Variants in KIF26B observed in about 807,000 individuals in gnomAD.
The protein encoded by KIF26B is kinesin-like protein KIF26B.
KIF26B carries 63 observed loss-of-function variants against 151.2 expected under a neutral mutation model. The observed-to-expected ratio is 0.42, with a 90% CI of 0.34 to 0.51. The LOEUF is 0.51. Among genes scored for constraint, KIF26B ranks in the 20% least tolerant of loss-of-function variants. The probability of loss-of-function intolerance (pLI) is 0.07; values close to 1 mark genes in which losing one functional copy is unlikely to be tolerated. For synonymous variants in KIF26B, 1,357 were observed against 1,262.1 expected (o/e 1.08, Z -1.59); for missense variants, 2,813 against 2,913.6 (o/e 0.97, Z 0.79).
At chr1:245,511,605 T>G (rs531652054) in intron 4 of KIF26B, among the ~76,000 whole-genome samples, 53 of 152,324 alleles carry the variant, frequency 3.5e-4, no homozygotes, top group East Asian at 1.2e-3. Flanking sequence ...TGTTTGTTTG[T>G]TTGGTTTTGT....
intron 5 of KIF26B, among the ~76,000 whole-genome samples, chr1:245,577,997 C>T (rs964889821): frequency 2.6e-5 from 4 of 151,456 alleles, no homozygotes; most frequent in African/African-American, 9.7e-5. Context: ...ATCCCCTACA[C>T]GGAAGAGCTT....
At chr1:245,662,370 A>G (rs1274315072) in intron 10 of KIF26B, among the ~76,000 whole-genome samples, 1 of 112,666 alleles carries the variant, frequency 8.9e-6, no homozygotes, top group Non-Finnish European at 1.9e-5. Context: ...ACCCAGTGAT[A>G]TATACACACA....
In KIF26B at chr1:245,636,788, A is replaced by G. The variant is rs374362966; in HGVS notation, c.2099-9333A>G. The stretch of plus-strand genomic sequence containing the variant: ...TACCTGACTTATTTCATTTAACATA[A>G]TGACTTCCAGCTTCATCCATGTTGC... On this transcript the variant is annotated intron_variant, in intron 9 of 14. Transcript: ENST00000407071. 3.6e-4 allele frequency among the ~76,000 whole-genome samples: 54 copies of G among 152,022 alleles called. No homozygotes were observed. In the South Asian group the frequency reaches 9.5e-3, roughly 27 times the overall value.
intron 2 of KIF26B, among the ~76,000 whole-genome samples, chr1:245,179,975 G>A (rs1035803903): frequency 2.0e-5 from 3 of 152,160 alleles, no homozygotes; most frequent in African/African-American, 7.2e-5. Context: ...AGCGCCTGGG[G>A]GGCCTGGCCA....
At chr1:245,273,025 T>C (rs1181890549) in intron 2 of KIF26B, among the ~76,000 whole-genome samples, 1 of 152,200 alleles carries the variant, frequency 6.6e-6, no homozygotes, top group Non-Finnish European at 1.5e-5. Flanking sequence ...TAAATGTCTG[T>C]TGGGTCCCTC....
intron 1 of KIF26B, among the ~76,000 whole-genome samples, chr1:245,155,694 T>C (rs1480209128): frequency 6.6e-6 from 1 of 152,202 alleles, no homozygotes; most frequent in Non-Finnish European, 1.5e-5. Flanking sequence ...TTTTCAGCCC[T>C]CTCGTTCCTT....
chr1:245,274,355 C>T (rs1670904548), intron 2 of KIF26B, among the ~76,000 whole-genome samples: 2 of 152,094 alleles, frequency 1.3e-5, no homozygotes, highest in South Asian at 4.1e-4. Flanking sequence ...GGTATTTATC[C>T]TAATGCTATC....
At position 245,303,197 on chromosome 1, in the gene KIF26B, C is replaced by CTTTT. The variant is rs757473264; in HGVS notation, c.466-63621_466-63618dup. Among the ~76,000 whole-genome samples the CTTTT allele has an allele frequency of 3.7e-4, 38 of 102,580 alleles. 1 individual carries two copies. Among genetic ancestry groups the CTTTT allele is most frequent in the African/African-American group, 5.4e-4 (14 of 25,934 alleles). The allele number at this position is 102,580 out of a possible 152,430, so 67.3% of individuals were successfully genotyped here. On this transcript the variant is annotated intron_variant, in intron 2 of 14. Coordinates refer to ENST00000407071, the MANE Select transcript of KIF26B (RefSeq NM_018012.4). ...AATTTGTTGAACTAAACTAAATGTT[C>CTTTT]TTTTTTTTTTTTTTTTTTTGCGACG...
At chr1:245,559,272 A>G (rs1020391078) in intron 5 of KIF26B, among the ~76,000 whole-genome samples, 1 of 152,208 alleles carries the variant, frequency 6.6e-6, no homozygotes, top group African/African-American at 2.4e-5. Flanking sequence ...CGGGAAGTCT[A>G]AGCTCCGGTG....
intron 2 of KIF26B, among the ~76,000 whole-genome samples, chr1:245,302,037 AG>A (rs1258705896): frequency 2.0e-5 from 3 of 152,226 alleles, no homozygotes; most frequent in Non-Finnish European, 2.9e-5. Flanking sequence ...TAAGTGGAAT[AG>A]CAGGGTCCAT....
intron 5 of KIF26B, among the ~76,000 whole-genome samples, chr1:245,580,066 G>A (rs1028820314): frequency 3.3e-5 from 5 of 152,056 alleles, no homozygotes; most frequent in East Asian, 1.9e-4. Flanking sequence ...CAGCTGTACC[G>A]TGCCGATAAT....
chr1:245,349,613 G>A (rs762892732), intron 2 of KIF26B, among the ~76,000 whole-genome samples: 10 of 149,526 alleles, frequency 6.7e-5, no homozygotes, highest in South Asian at 2.1e-4. Context: ...TAACTGCCTC[G>A]GGTTTAAAGG....
intron 3 of KIF26B, among the ~76,000 whole-genome samples, chr1:245,399,235 A>G (rs1673934511): frequency 6.6e-6 from 1 of 152,150 alleles, no homozygotes; most frequent in Non-Finnish European, 1.5e-5. Context: ...CAAAGTTGTT[A>G]GAGGTATTTC....
At position 245,606,872 on chromosome 1, in the gene KIF26B, G is replaced by A. The variant is rs1331476765; in HGVS notation, c.1558-779G>A. 6.6e-6 allele frequency among the ~76,000 whole-genome samples: 1 copy of A among 152,068 alleles called. No homozygotes were observed. The highest frequency in any genetic ancestry group is 1.5e-5 in the Non-Finnish European group (1 of 68,008). On this transcript the variant is annotated intron_variant, in intron 6 of 14. Coordinates refer to ENST00000407071, the MANE Select transcript of KIF26B (RefSeq NM_018012.4). The surrounding 1 kb of genome is among the most constrained non-coding windows in gnomAD (Gnocchi z 4.6). ...GAGGTCAGGAGTTTGAGACCAGCCT[G>A]ACCAACGTGGTGAAACCCCCTCTCT...
intron 4 of KIF26B, among the ~76,000 whole-genome samples, chr1:245,432,511 C>A (rs990433817): frequency 3.3e-5 from 5 of 152,256 alleles, no homozygotes; most frequent in South Asian, 2.1e-4. Flanking sequence ...CTAGCACAAA[C>A]AAAGTAGGGC....
intron 4 of KIF26B, among the ~76,000 whole-genome samples, chr1:245,483,455 C>T (rs780340980): frequency 1.1e-4 from 17 of 151,898 alleles, no homozygotes; most frequent in Non-Finnish European, 2.4e-4. Flanking sequence ...GCTTCAGTGC[C>T]TGTGAGTGTC....
rs1186057435 is a variant in KIF26B at position 245,686,259 on chromosome 1, C to T, written c.3276C>T (p.Tyr1092=). The T allele has an allele frequency of 3.7e-6, 6 of 1,612,728 alleles. No individual in the cohort carries two copies. The Middle Eastern group carries it at 4.9e-4, about 133-fold the overall frequency. The change falls in exon 12 of 15, where the codon TAC becomes TAT. Residue 1092 remains tyrosine, a synonymous_variant. Coordinates refer to ENST00000407071, the MANE Select transcript of KIF26B (RefSeq NM_018012.4). This position sits in a 1 kb window ranked among gnomAD's most constrained non-coding sequence, Gnocchi z 5.6. The stretch of plus-strand genomic sequence containing the variant: ...CTCCTTCCCAGAGATGCAAAGTCTA[C>T]ACCCAGAAGGGGGTCCTGCCGTCTC... ...PSSPSQRCKV[Y]TQKGVLPSPA...
At chr1:245,292,315 A>T (rs1205520357) in intron 2 of KIF26B, among the ~76,000 whole-genome samples, 1 of 152,184 alleles carries the variant, frequency 6.6e-6, no homozygotes. Context: ...AAGCTGGTGC[A>T]CTGGGGAAGA....
chr1:245,680,570 A>T (rs12758944), intron 10 of KIF26B, among the ~76,000 whole-genome samples: 66,186 of 151,858 alleles, frequency 0.44, 15,864 homozygotes, highest in Middle Eastern at 0.58. Context: ...TTCTCTCTCA[A>T]TTCTGTCTTT....
Sources: gnomAD v4.1 joint callset for allele counts (sites outside exome capture counted in the v4.1 genomes callset) on GRCh38, gnomAD v4.1.1 for gene constraint, Gnocchi (gnomAD v3.1) non-coding constraint, MANE v1.5 for transcripts, NCBI Gene and HGNC (gene_info 2026-07-23, HGNC 2026-07-21) for gene names.